DENND2C: variants seen among roughly 807,000 people sequenced by gnomAD.
The protein encoded by DENND2C is DENN domain containing 2C, also known as DENN domain-containing protein 2C.
Under a neutral mutation model 112.4 loss-of-function variants are expected in DENND2C, and 72 were observed. The observed-to-expected ratio is 0.64, with a 90% CI of 0.53 to 0.78. The LOEUF is 0.78. DENND2C is among the 30% of genes least tolerant of loss of function. DENND2C has a pLI of 0.00. For synonymous variants in DENND2C, 329 were observed against 381.6 expected (o/e 0.86, Z 1.61); for missense variants, 992 against 1,113.8 (o/e 0.89, Z 1.56).
intron 3 of DENND2C, among the ~76,000 whole-genome samples, chr1:114,637,726 G>T (rs866175634): frequency 3.3e-5 from 5 of 152,036 alleles, no homozygotes; most frequent in Non-Finnish European, 4.4e-5. Context: ...TGTTGCCCAG[G>T]CTGGTCTTGA....
chr1:114,664,629 G>A (rs548357593), intron 1 of DENND2C, among the ~76,000 whole-genome samples: 19 of 151,732 alleles, frequency 1.3e-4, no homozygotes, highest in African/African-American at 3.4e-4. Flanking sequence ...ACAGACACGC[G>A]CCACCACATC....
At chr1:114,613,204 C>G (rs57615241) in intron 8 of DENND2C, among the ~76,000 whole-genome samples, 1 of 152,112 alleles carries the variant, frequency 6.6e-6, no homozygotes, top group Non-Finnish European at 1.5e-5. Flanking sequence ...ATGTGGATCT[C>G]TATGTGTTGA....
intron 1 of DENND2C, among the ~76,000 whole-genome samples, chr1:114,658,702 A>G (rs993372975): frequency 1.3e-5 from 2 of 151,020 alleles, no homozygotes; most frequent in African/African-American, 4.8e-5. Context: ...AAGAGGGAGG[A>G]GAAAGTCTGA....
Position 114,600,334 on chromosome 1 carries a change from G to T in DENND2C, c.1975C>A (p.Pro659Thr). ...ACATGTTCCAATCGGGAATCTAGTG[G>T]TCGGCAGAGTTCAATGGACTGAAAT... ...AGDESIELCR[P>T]LDSRLEHVDF... Residue 659 changes from proline (P) to threonine (T), a missense_variant, in exon 15 of 21, where the codon CCA (proline) becomes ACA (threonine). Pro to Thr is a conservative substitution (Grantham distance 38). This residue lies in a region of DENND2C where 516 missense variants were observed against 623.6 expected (regional missense o/e 0.83). Coordinates refer to ENST00000393274, the MANE Select transcript of DENND2C (RefSeq NM_001256404.2). The T allele has an allele frequency of 1.2e-6, 2 of 1,614,114 alleles. No homozygotes were observed. The highest frequency in any genetic ancestry group is 1.7e-6 in the Non-Finnish European group (2 of 1,179,996).
At chr1:114,633,758 T>C (rs913180975) in intron 3 of DENND2C, among the ~76,000 whole-genome samples, 5 of 151,838 alleles carry the variant, frequency 3.3e-5, no homozygotes, top group African/African-American at 4.8e-5. Flanking sequence ...AAACAGAAAA[T>C]GAATAGCAAG....
intron 2 of DENND2C, among the ~76,000 whole-genome samples, chr1:114,653,679 T>C (rs1304163065): frequency 6.6e-6 from 1 of 152,168 alleles, no homozygotes; most frequent in Non-Finnish European, 1.5e-5. Flanking sequence ...TAACAGGATC[T>C]GAATGGTGGA....
At chr1:114,630,086 G>A (rs886968185) in intron 3 of DENND2C, among the ~76,000 whole-genome samples, 6 of 151,990 alleles carry the variant, frequency 3.9e-5, no homozygotes, top group East Asian at 1.9e-4. Flanking sequence ...AGGCTGAGGC[G>A]GGCGGATCAT....
intron 18 of DENND2C, among the ~76,000 whole-genome samples, chr1:114,593,370 C>A (rs1252035314): frequency 6.6e-6 from 1 of 152,210 alleles, no homozygotes. Context: ...TAAATGTTTG[C>A]TTTTAGCCCA....
chr1:114,585,638 G>A lies in DENND2C; in HGVS notation c.2756-7C>T, dbSNP rs1208628076. On this transcript the variant is annotated splice_region_variant and splice_polypyrimidine_tract_variant and intron_variant, in intron 20 of 20. Transcript: ENST00000393274. ...AGAAATTTCATTTTGCTTCCTAAAG[G>A]GAAAGAAAAGTACAGTGAATGCTCA... The A allele has an allele frequency of 1.9e-6, 3 of 1,612,818 alleles. No homozygotes were observed. Among genetic ancestry groups the A allele is most frequent in the South Asian group, 2.2e-5 (2 of 91,050 alleles).
At chr1:114,629,499 G>A (rs945852629) in intron 3 of DENND2C, among the ~76,000 whole-genome samples, 5 of 152,000 alleles carry the variant, frequency 3.3e-5, no homozygotes, top group East Asian at 1.9e-4. Context: ...GGCTGGTTTC[G>A]AACTCCTGAC....
chr1:114,657,980 T>C (rs552482594), intron 1 of DENND2C, among the ~76,000 whole-genome samples: 1 of 152,132 alleles, frequency 6.6e-6, no homozygotes, highest in South Asian at 2.1e-4. Context: ...GAGGGACAGG[T>C]CTTCCACTGG....
intron 20 of DENND2C, chr1:114,586,701 T>A (rs143866489): frequency 3.3e-5 from 5 of 150,910 alleles, no homozygotes; most frequent in Admixed American, 2.6e-4. Flanking sequence ...TTTTTATTTT[T>A]ATTTATTTTT....
At chr1:114,601,463 G>A in intron 13 of DENND2C, 45 bp downstream of exon 13, 1 of 1,565,346 alleles carries the variant, frequency 6.4e-7, no homozygotes, top group Non-Finnish European at 8.7e-7. Context: ...AATATTAAGA[G>A]CTCAAAAAGG....
Position 114,600,213 on chromosome 1 carries a change from T to C in DENND2C, c.2096A>G (p.Asn699Ser), listed in dbSNP as rs751913217. The change falls in exon 15 of 21, where the codon AAC becomes AGC. Residue 699 changes from asparagine to serine, a missense_variant. Asn to Ser is a conservative substitution (Grantham distance 46). Coordinates refer to ENST00000393274, the MANE Select transcript of DENND2C (RefSeq NM_001256404.2). The part of the protein sequence containing the change: ...LLERRVIFVA[N>S]SLSTLSKCGH... ...TTCACTTATTTCTTACCTTAGGCTG[T>C]TGGCAACAAAGATTACCCTACGCTC... The C allele has an allele frequency of 6.2e-7, 1 of 1,613,998 alleles. No individual in the cohort carries two copies. The highest frequency in any genetic ancestry group is 8.5e-7 in the Non-Finnish European group (1 of 1,179,952).
intron 3 of DENND2C, among the ~76,000 whole-genome samples, chr1:114,632,991 T>C (rs1198765005): frequency 6.6e-6 from 1 of 152,092 alleles, no homozygotes; most frequent in Non-Finnish European, 1.5e-5. Context: ...ACAAGGCATA[T>C]TTTTTTATTA....
chr1:114,610,407 A>G (rs1272747867), intron 9 of DENND2C, among the ~76,000 whole-genome samples: 1 of 152,212 alleles, frequency 6.6e-6, no homozygotes, highest in Non-Finnish European at 1.5e-5. Flanking sequence ...GGCTATAAAA[A>G]ATCAGACATT....
Position 114,583,528 on chromosome 1 carries a change from C to G in DENND2C, c.*2072G>C, listed in dbSNP as rs147822704. The G allele has an allele frequency of 1.7e-5, 2 of 119,420 alleles. No individual in the cohort carries two copies. The highest frequency in any genetic ancestry group is 8.3e-5 in the African/African-American group (2 of 24,180). 7.4% of individuals were successfully genotyped at this position (119,420 alleles called of 1,614,324 possible). ...CACACACACACACACACACACAGGC[C>G]GGGTGCAGTGACTCATGCCTGTAAT... On this transcript the variant is annotated 3_prime_UTR_variant, in exon 21 of 21. Transcript: ENST00000393274.
intron 18 of DENND2C, among the ~76,000 whole-genome samples, chr1:114,588,951 C>T: frequency 6.6e-6 from 1 of 152,130 alleles, no homozygotes; most frequent in East Asian, 1.9e-4. Context: ...GATTTGAGTG[C>T]TAAAGGTATG....
intron 7 of DENND2C, among the ~76,000 whole-genome samples, chr1:114,621,607 A>T (rs1194055610): frequency 1.3e-5 from 2 of 152,240 alleles, no homozygotes; most frequent in Non-Finnish European, 2.9e-5. Context: ...TTTATATAAG[A>T]TTCTGGTGCT....
Sources: gnomAD v4.1 joint callset for allele counts (sites outside exome capture counted in the v4.1 genomes callset) on GRCh38, gnomAD v4.1.1 for gene constraint, gnomAD v4.1.1 regional missense constraint, MANE v1.5 for transcripts, NCBI Gene and HGNC (gene_info 2026-07-23, HGNC 2026-07-21) for gene names.